ADARB2: variants seen among roughly 807,000 people sequenced by gnomAD.
The protein encoded by ADARB2 is inactive double-stranded RNA-specific editase B2.
Under a neutral mutation model 62.2 loss-of-function variants are expected in ADARB2, and 25 were observed. The ratio of observed to expected loss-of-function variants is 0.40; its 90% CI spans 0.29 to 0.56. ADARB2 has a LOEUF of 0.56. Among genes scored for constraint, ADARB2 ranks in the 20% least tolerant of loss-of-function variants. The probability of loss-of-function intolerance (pLI) is 0.43; values close to 1 mark genes in which losing one functional copy is unlikely to be tolerated. For synonymous variants in ADARB2, 572 were observed against 500.8 expected (o/e 1.14, Z -1.90); for missense variants, 1,071 against 1,077.4 (o/e 0.99, Z 0.08).
rs192415000 is a variant in ADARB2 at position 1,628,193 on chromosome 10, G to T, written c.100+108858C>A. 2.6e-5 allele frequency among the ~76,000 whole-genome samples: 4 copies of T among 152,338 alleles called. No individual in the cohort carries two copies. The East Asian group carries it at 7.7e-4, about 29-fold the overall frequency. On this transcript the variant is annotated intron_variant, in intron 1 of 9. Coordinates refer to ENST00000381312, the MANE Select transcript of ADARB2 (RefSeq NM_018702.4). ...GCCTGCAGCCTCCTCTGGCCTCCCTGGCATGCTTAGGGGGAAAAGTCGCTT... is the reference window on the plus strand; with the variant it reads ...GCCTGCAGCCTCCTCTGGCCTCCCTTGCATGCTTAGGGGGAAAAGTCGCTT...
At chr10:1,476,869 C>T (rs144715261) in intron 1 of ADARB2, among the ~76,000 whole-genome samples, 1 of 152,104 alleles carries the variant, frequency 6.6e-6, no homozygotes, top group Non-Finnish European at 1.5e-5. Context: ...ATTTCTGAAC[C>T]CAGCCTGGGT....
At chr10:1,379,979 T>C (rs977852186) in intron 1 of ADARB2, among the ~76,000 whole-genome samples, 2 of 152,166 alleles carry the variant, frequency 1.3e-5, no homozygotes, top group Non-Finnish European at 2.9e-5. Context: ...TGAGGTATGA[T>C]TGAGAGAAAT....
intron 3 of ADARB2, among the ~76,000 whole-genome samples, chr10:1,278,289 C>CTT (rs76796387): frequency 0.064 from 9,038 of 141,430 alleles, 946 homozygotes; most frequent in African/African-American, 0.22. Flanking sequence ...TCCTTTTTTT[C>CTT]TTTTTTTTTT....
intron 7 of ADARB2, among the ~76,000 whole-genome samples, chr10:1,213,520 CCCTGT>C (rs1351385693): frequency 8.5e-5 from 13 of 152,252 alleles, no homozygotes; most frequent in African/African-American, 3.1e-4. Context: ...TCCACTGCAC[CCCTGT>C]CCTGTCACCA....
intron 1 of ADARB2, among the ~76,000 whole-genome samples, chr10:1,640,502 A>G (rs1254515332): frequency 6.6e-6 from 1 of 152,238 alleles, no homozygotes; most frequent in Non-Finnish European, 1.5e-5. Context: ...GACATAAAAT[A>G]TGAGGAAAAC....
chr10:1,330,546 C>A (rs904752917), intron 3 of ADARB2, among the ~76,000 whole-genome samples: 2 of 152,176 alleles, frequency 1.3e-5, no homozygotes, highest in Non-Finnish European at 2.9e-5. Flanking sequence ...CTGGGCTTGT[C>A]CCCTGAGAGC....
At chr10:1,577,012 T>C (rs1833030488) in intron 1 of ADARB2, among the ~76,000 whole-genome samples, 1 of 152,130 alleles carries the variant, frequency 6.6e-6, no homozygotes, top group Non-Finnish European at 1.5e-5. Context: ...GCAGGTGCAG[T>C]GGTTGCTGTC....
intron 8 of ADARB2, among the ~76,000 whole-genome samples, chr10:1,191,363 G>A (rs1471325881): frequency 6.6e-6 from 1 of 152,216 alleles, no homozygotes; most frequent in Non-Finnish European, 1.5e-5. Flanking sequence ...CTGAGTGAGG[G>A]TGGCCTCCGT....
intron 1 of ADARB2, among the ~76,000 whole-genome samples, chr10:1,479,364 A>G (rs1831440435): frequency 6.6e-6 from 1 of 152,184 alleles, no homozygotes; most frequent in East Asian, 1.9e-4. Flanking sequence ...GTGAATGACA[A>G]GTTAGGGATA....
chr10:1,219,863 G>C (rs1236818400), intron 6 of ADARB2, among the ~76,000 whole-genome samples: 1 of 148,756 alleles, frequency 6.7e-6, no homozygotes, highest in Non-Finnish European at 1.5e-5. Context: ...TGATGATGAT[G>C]GTAATGGTGG....
At chr10:1,268,325 T>C (rs889762553) in intron 4 of ADARB2, among the ~76,000 whole-genome samples, 1 of 152,192 alleles carries the variant, frequency 6.6e-6, no homozygotes, top group African/African-American at 2.4e-5. Context: ...TTAGAATCTT[T>C]ACCATATGAC....
intron 3 of ADARB2, among the ~76,000 whole-genome samples, chr10:1,358,221 G>T (rs1048921222): frequency 6.6e-6 from 1 of 152,176 alleles, no homozygotes; most frequent in Non-Finnish European, 1.5e-5. Flanking sequence ...TTCTTGGTGT[G>T]GGGACAGAGG....
At chr10:1,690,209 G>C (rs897298516) in intron 1 of ADARB2, among the ~76,000 whole-genome samples, 12 of 152,198 alleles carry the variant, frequency 7.9e-5, no homozygotes, top group South Asian at 2.1e-4. Context: ...TTCTCAGCTC[G>C]TAGGAGCACA....
chr10:1,415,295 C>T (rs184983969), intron 1 of ADARB2, among the ~76,000 whole-genome samples: 29 of 142,764 alleles, frequency 2.0e-4, no homozygotes, highest in East Asian at 8.6e-4. Flanking sequence ...GGGTATATGA[C>T]GATAGAATGG....
chr10:1,234,516 C>T (rs1274114641), intron 5 of ADARB2, among the ~76,000 whole-genome samples: 1 of 151,920 alleles, frequency 6.6e-6, no homozygotes, highest in African/African-American at 2.4e-5. Context: ...TCACGGCTCA[C>T]TGTAGCCTCA....
intron 1 of ADARB2, among the ~76,000 whole-genome samples, chr10:1,691,071 G>A (rs956802507): frequency 2.0e-5 from 3 of 152,110 alleles, no homozygotes; most frequent in African/African-American, 7.2e-5. Flanking sequence ...CTAATCCCCA[G>A]GACCTCAGAA....
chr10:1,223,217 T>C (rs939542197), intron 6 of ADARB2, among the ~76,000 whole-genome samples: 3 of 152,128 alleles, frequency 2.0e-5, no homozygotes, highest in Admixed American at 6.5e-5. Flanking sequence ...GCTCTCTGTT[T>C]GTCTGTTATT....
intron 3 of ADARB2, among the ~76,000 whole-genome samples, chr10:1,287,272 AAAT>A (rs1173269484): frequency 2.0e-5 from 3 of 152,224 alleles, no homozygotes; most frequent in African/African-American, 4.8e-5. Context: ...CTTAATTCAC[AAAT>A]AATAATTGTA....
chr10:1,311,243 C>T (rs1831687729), intron 3 of ADARB2, among the ~76,000 whole-genome samples: 1 of 152,250 alleles, frequency 6.6e-6, no homozygotes, highest in African/African-American at 2.4e-5. Flanking sequence ...CCCTGCCACA[C>T]ATGACTGAGT....
Sources: allele counts gnomAD v4.1 joint callset (sites outside exome capture counted in the v4.1 genomes callset), GRCh38; gene constraint gnomAD v4.1.1; transcripts MANE v1.5; gene names NCBI Gene and HGNC (gene_info 2026-07-23, HGNC 2026-07-21).